The following TPTE variants were observed in gnomAD, a reference collection of about 807,000 sequenced individuals.
TPTE encodes the protein transmembrane phosphatase with tensin homology.
Under a neutral mutation model 84.1 loss-of-function variants are expected in TPTE, and 59 were observed. That is an observed-to-expected ratio of 0.70 (90% CI 0.57 to 0.87). The LOEUF is 0.87. Among genes scored for constraint, TPTE ranks in the 40% least tolerant of loss-of-function variants. The probability of loss-of-function intolerance (pLI) is 0.00; values close to 1 mark genes in which losing one functional copy is unlikely to be tolerated. For synonymous variants in TPTE, 130 were observed against 223.5 expected (o/e 0.58, Z 3.73); for missense variants, 382 against 659.6 (o/e 0.58, Z 4.61).
At chr21:10,542,042 CT>C (rs1219829123) in intron 5 of TPTE, among the ~76,000 whole-genome samples, 5 of 152,306 alleles carry the variant, frequency 3.3e-5, no homozygotes, top group African/African-American at 1.2e-4. Flanking sequence ...AATGGAGGGC[CT>C]TTTAAGCAGG....
chr21:10,522,184 C>T (rs2073992264), intron 1 of TPTE, among the ~76,000 whole-genome samples: 1 of 152,298 alleles, frequency 6.6e-6, no homozygotes, highest in Non-Finnish European at 1.5e-5. Flanking sequence ...TGTCTGCTTT[C>T]TAGCCGCTCC....
intron 21 of TPTE, among the ~76,000 whole-genome samples, chr21:10,599,239 T>A (rs1449462189): frequency 6.6e-6 from 1 of 152,312 alleles, no homozygotes; most frequent in African/African-American, 2.4e-5. Flanking sequence ...GATTATGCCT[T>A]TGACAGTTTT....
intron 4 of TPTE, 22 bp from the exon 5 acceptor site, chr21:10,541,090 T>G: frequency 6.2e-7 from 1 of 1,612,668 alleles, no homozygotes; most frequent in South Asian, 1.1e-5. Flanking sequence ...TGGGTCTGAC[T>G]CTGACCATAT....
At chr21:10,549,179 C>CAT (rs1568965815) in intron 7 of TPTE, among the ~76,000 whole-genome samples, 49 of 152,294 alleles carry the variant, frequency 3.2e-4, no homozygotes, top group African/African-American at 1.1e-3. Flanking sequence ...GAACCAAGGC[C>CAT]GGTATACCCC....
chr21:10,587,944 G>T (rs1478868828), intron 17 of TPTE, among the ~76,000 whole-genome samples: 3 of 152,306 alleles, frequency 2.0e-5, no homozygotes, highest in African/African-American at 7.2e-5. Flanking sequence ...CGCCTCCTGG[G>T]TTCAAGCGAT....
intron 3 of TPTE, among the ~76,000 whole-genome samples, chr21:10,535,619 C>T (rs1249910369): frequency 6.6e-6 from 1 of 152,306 alleles, no homozygotes; most frequent in East Asian, 1.9e-4. Flanking sequence ...TGAGGTTTTC[C>T]ATTTATGAGA....
chr21:10,536,380 T>C (rs1320753719), intron 3 of TPTE, among the ~76,000 whole-genome samples: 1 of 152,312 alleles, frequency 6.6e-6, no homozygotes, highest in Non-Finnish European at 1.5e-5. Context: ...ATTCAAAAAG[T>C]AAGTTTAGAA....
chr21:10,524,949 AAAAC>A (rs1163286929), intron 2 of TPTE, among the ~76,000 whole-genome samples: 114 of 152,360 alleles, frequency 7.5e-4, no homozygotes, highest in African/African-American at 2.6e-3. Flanking sequence ...AAAAATTTAA[AAAAC>A]AAACCAAGCC....
rs569582996 is a variant in TPTE at position 10,570,956 on chromosome 21, C to A, written c.795+407C>A. On this transcript the variant is annotated intron_variant, in intron 14 of 23. Coordinates refer to ENST00000618007, the MANE Select transcript of TPTE (RefSeq NM_199261.4). ...AGCCACTGCATGCTAAATGCACCCC[C>A]CAAGGCCCAAGGCCCATCCCATCTG... is the stretch of plus-strand genomic sequence containing the variant. Among the ~76,000 whole-genome samples, 11 of 152,366 alleles carry A rather than the reference C, an allele frequency of 7.2e-5. No individual in the cohort carries two copies. In the East Asian group the frequency reaches 1.4e-3, roughly 19 times the overall value.
At chr21:10,591,773 GCTTT>G (rs2075481044) in intron 18 of TPTE, among the ~76,000 whole-genome samples, 1 of 152,310 alleles carries the variant, frequency 6.6e-6, no homozygotes, top group African/African-American at 2.4e-5. Context: ...TGGACCAGAT[GCTTT>G]CTAAGGTGTT....
At chr21:10,541,725 A>C (rs889571843) in intron 5 of TPTE, among the ~76,000 whole-genome samples, 6 of 152,308 alleles carry the variant, frequency 3.9e-5, no homozygotes, top group African/African-American at 1.4e-4. Context: ...GTAGCAGGCA[A>C]ATGCTTTGGA....
chr21:10,564,978 A>C (rs2074890193), intron 10 of TPTE, among the ~76,000 whole-genome samples: 1 of 152,426 alleles, frequency 6.6e-6, no homozygotes, highest in African/African-American at 2.4e-5. Context: ...GTTGTTCAAC[A>C]TAGTACCGGA....
At chr21:10,568,047 T>C (rs2074963324) in intron 11 of TPTE, among the ~76,000 whole-genome samples, 1 of 152,310 alleles carries the variant, frequency 6.6e-6, no homozygotes, top group Non-Finnish European at 1.5e-5. Context: ...GAAGGACTTT[T>C]ACTCTTGTAC....
intron 3 of TPTE, among the ~76,000 whole-genome samples, chr21:10,538,170 T>C (rs1268515563): frequency 6.6e-6 from 1 of 152,306 alleles, no homozygotes; most frequent in Non-Finnish European, 1.5e-5. Context: ...CTAACAACCC[T>C]AGAAATGTTT....
chr21:10,596,733 G>A (rs2075596164), intron 20 of TPTE, among the ~76,000 whole-genome samples: 2 of 152,306 alleles, frequency 1.3e-5, no homozygotes, highest in Non-Finnish European at 2.9e-5. Flanking sequence ...CAGCCAGCTT[G>A]TGGACCTGAG....
intron 10 of TPTE, among the ~76,000 whole-genome samples, chr21:10,565,819 C>G (rs1464161315): frequency 1.3e-5 from 2 of 152,310 alleles, no homozygotes; most frequent in African/African-American, 4.8e-5. Context: ...GAAGAATGCA[C>G]CTAGACCCCT....
At chr21:10,538,538 C>G in intron 3 of TPTE, 143 bp from the exon 4 acceptor site, 1 of 1,294,432 alleles carries the variant, frequency 7.7e-7, no homozygotes, top group South Asian at 1.3e-5. Context: ...TAAAAAATGA[C>G]ATTTCAGAAC....
intron 3 of TPTE, among the ~76,000 whole-genome samples, chr21:10,532,661 A>G (rs531775684): frequency 2.3e-3 from 346 of 152,244 alleles, no homozygotes; most frequent in African/African-American, 7.6e-3. Flanking sequence ...ATATTGCTTC[A>G]TTGTATCCTA....
intron 10 of TPTE, among the ~76,000 whole-genome samples, chr21:10,563,763 A>G (rs1454384889): frequency 2.6e-5 from 4 of 152,310 alleles, no homozygotes; most frequent in African/African-American, 9.6e-5. Flanking sequence ...GAAAACAGAT[A>G]ACAAAATGGC....
Sources: gnomAD v4.1 joint callset for allele counts (sites outside exome capture counted in the v4.1 genomes callset) on GRCh38, gnomAD v4.1.1 for gene constraint, MANE v1.5 for transcripts, NCBI Gene and HGNC (gene_info 2026-07-23, HGNC 2026-07-21) for gene names.